The following NECAB2 variants were observed in gnomAD, a reference collection of about 807,000 sequenced individuals.
NECAB2 encodes N-terminal EF-hand calcium binding protein 2, also known as N-terminal EF-hand calcium-binding protein 2.
NECAB2 carries 68 observed loss-of-function variants against 51.9 expected under a neutral mutation model. That is an observed-to-expected ratio of 1.31 (90% CI 1.08 to 1.60). The LOEUF is 1.60. Among genes scored for constraint, NECAB2 ranks in the 40% most tolerant of loss-of-function variants. The pLI, the probability that NECAB2 is intolerant of heterozygous loss-of-function variation, is 0.00. For missense variants in NECAB2, 854 were observed against 490.3 expected (o/e 1.74, Z -7.00); for synonymous variants, 329 against 203.5 (o/e 1.62, Z -5.25).
upstream of NECAB2, among the ~76,000 whole-genome samples, chr16:83,966,518 G>A (rs1231240626): frequency 1.3e-5 from 2 of 152,136 alleles, no homozygotes; most frequent in Non-Finnish European, 2.9e-5. Context: ...AGTTGAGCGG[G>A]CAGCTGTACT....
At position 84,002,506 on chromosome 16, in the gene NECAB2, C is replaced by A; in HGVS notation, c.*160C>A. 1.1e-6 allele frequency: 1 copy of A among 907,278 alleles called. No homozygotes were observed. The highest frequency in any genetic ancestry group is 1.7e-6 in the Non-Finnish European group (1 of 584,466). The allele number at this position is 907,278 out of a possible 1,614,324, so 56.2% of individuals were successfully genotyped here. On this transcript the variant is annotated 3_prime_UTR_variant, in exon 13 of 13. Coordinates refer to ENST00000305202, the MANE Select transcript of NECAB2 (RefSeq NM_019065.3). ...TGTTAAGTGAAGGAGGCCGCCCCTG[C>A]CCCCACCTGAGAAGGCAGAGCAGTG...
chr16:84,002,309 T>C lies in NECAB2; in HGVS notation c.1133-9T>C, dbSNP rs1173144582. 1.2e-6 allele frequency: 2 copies of C among 1,613,736 alleles called. No individual in the cohort carries two copies. Among genetic ancestry groups the C allele is most frequent in the East Asian group, 4.5e-5 (2 of 44,850 alleles). On this transcript the variant is annotated splice_polypyrimidine_tract_variant and intron_variant, in intron 12 of 12. Transcript: ENST00000305202. ...ACTCCTTCCCTCTAACGTGTCTCTC[T>C]CCTTTTAGCTGCTTGGTGCACGGTG...
At chr16:83,999,941 T>C (rs112111007) in intron 10 of NECAB2, among the ~76,000 whole-genome samples, 1 of 151,660 alleles carries the variant, frequency 6.6e-6, no homozygotes, top group Non-Finnish European at 1.5e-5. Context: ...AGTGAGTGTG[T>C]AGTAGTGGAA....
chr16:83,999,246 A>G (rs901537307), intron 10 of NECAB2, among the ~76,000 whole-genome samples: 16 of 151,020 alleles, frequency 1.1e-4, no homozygotes, highest in Admixed American at 7.2e-4. Context: ...ACGAGGGGCC[A>G]TTCTTGAGTA....
At chr16:83,970,058 C>A (rs1335229678) in intron 1 of NECAB2, among the ~76,000 whole-genome samples, 1 of 152,170 alleles carries the variant, frequency 6.6e-6, no homozygotes, top group Non-Finnish European at 1.5e-5. Flanking sequence ...GCCAAACCAT[C>A]CCCTCCTCAG....
chr16:83,976,772 C>T (rs1198902014), intron 2 of NECAB2, among the ~76,000 whole-genome samples: 1 of 152,198 alleles, frequency 6.6e-6, no homozygotes, highest in Non-Finnish European at 1.5e-5. Flanking sequence ...GTCTCTGATA[C>T]TTTATGCTCT....
chr16:83,979,522 C>G (rs2084457848), intron 3 of NECAB2, among the ~76,000 whole-genome samples: 1 of 152,158 alleles, frequency 6.6e-6, no homozygotes, highest in Non-Finnish European at 1.5e-5. Context: ...AAAGAAATGG[C>G]TTCAGGCTCC....
chr16:83,990,354 C>G (rs534390062), intron 5 of NECAB2, 140 bp from the exon 6 acceptor site: 14 of 1,100,458 alleles, frequency 1.3e-5, no homozygotes, highest in Non-Finnish European at 1.8e-5. Context: ...AGACTGGACC[C>G]CAGGAGGCCG....
At chr16:83,992,011 C>T (rs575730904) in intron 6 of NECAB2, among the ~76,000 whole-genome samples, 2 of 152,164 alleles carry the variant, frequency 1.3e-5, no homozygotes, top group Admixed American at 6.5e-5. Flanking sequence ...TAACTGCACT[C>T]TCGGCATCAC....
intron 10 of NECAB2, among the ~76,000 whole-genome samples, chr16:83,998,854 A>C (rs753235017): frequency 6.6e-6 from 1 of 152,150 alleles, no homozygotes; most frequent in Non-Finnish European, 1.5e-5. Flanking sequence ...CTTACCTTCA[A>C]ATTCCTGTTC....
intron 1 of NECAB2, among the ~76,000 whole-genome samples, chr16:83,970,550 G>A (rs74032340): frequency 0.026 from 3,887 of 152,194 alleles, 168 homozygotes; most frequent in African/African-American, 0.089. Context: ...CCCCTTTCTC[G>A]TTGCCTGGAG....
At chr16:83,979,036 C>T (rs1033029834) in intron 3 of NECAB2, among the ~76,000 whole-genome samples, 1 of 152,188 alleles carries the variant, frequency 6.6e-6, no homozygotes, top group Admixed American at 6.5e-5. Flanking sequence ...TTTTCTCCAA[C>T]CCAGTCATAA....
intron 2 of NECAB2, among the ~76,000 whole-genome samples, chr16:83,976,488 G>T (rs1167191402): frequency 6.6e-6 from 1 of 152,186 alleles, no homozygotes; most frequent in African/African-American, 2.4e-5. Flanking sequence ...TTTATCTTCA[G>T]GCTTGCCGAA....
intron 9 of NECAB2, among the ~76,000 whole-genome samples, chr16:83,997,479 CTTTTTTT>C (rs11296947): frequency 3.8e-4 from 20 of 53,276 alleles, no homozygotes; most frequent in East Asian, 2.0e-3. Flanking sequence ...CTCCCTGGAC[CTTTTTTT>C]TTTTTTTTTT....
chr16:84,002,395 G>A lies in NECAB2; in HGVS notation c.*49G>A, dbSNP rs758172790. On this transcript the variant is annotated 3_prime_UTR_variant, in exon 13 of 13. Transcript: ENST00000305202. ...GAGCCCACCAGCCCCTTCTTCTTGTGAAGGAAATCCCGTTTTTTTCTAGAC... is the reference window on the plus strand; with the variant it reads ...GAGCCCACCAGCCCCTTCTTCTTGTAAAGGAAATCCCGTTTTTTTCTAGAC... The A allele has an allele frequency of 3.2e-6, 5 of 1,582,750 alleles. No homozygotes were observed. The Admixed American group carries it at 8.4e-5, about 27-fold the overall frequency.
At chr16:83,979,218 A>G (rs772975940) in intron 3 of NECAB2, among the ~76,000 whole-genome samples, 8 of 151,718 alleles carry the variant, frequency 5.3e-5, no homozygotes, top group Non-Finnish European at 7.4e-5. Flanking sequence ...CCTCTCCTCA[A>G]CCCCACCTTC....
At chr16:83,999,726 T>G (rs1034640211) in intron 10 of NECAB2, among the ~76,000 whole-genome samples, 1 of 152,100 alleles carries the variant, frequency 6.6e-6, no homozygotes, top group Non-Finnish European at 1.5e-5. Flanking sequence ...AATGGGGGAC[T>G]TGCCTGCAGC....
intron 2 of NECAB2, among the ~76,000 whole-genome samples, chr16:83,977,953 T>C (rs924921599): frequency 6.6e-6 from 1 of 152,166 alleles, no homozygotes; most frequent in African/African-American, 2.4e-5. Context: ...CTGCTGGTTT[T>C]TGGATCCACT....
intron 7 of NECAB2, 50 bp from the exon 8 acceptor site, chr16:83,994,559 C>G: frequency 6.2e-7 from 1 of 1,610,340 alleles, no homozygotes; most frequent in Non-Finnish European, 8.5e-7. Flanking sequence ...CCCCCCGAAG[C>G]CCTCGTCCTG....
Sources: allele counts gnomAD v4.1 joint callset (sites outside exome capture counted in the v4.1 genomes callset), GRCh38; gene constraint gnomAD v4.1.1; transcripts MANE v1.5; gene names NCBI Gene and HGNC (gene_info 2026-07-23, HGNC 2026-07-21).